ARHGAP42: variants seen among roughly 807,000 people sequenced by gnomAD.
ARHGAP42 encodes rho GTPase-activating protein 42.
A neutral mutation model predicts 125.0 loss-of-function variants in ARHGAP42; 63 were observed. The ratio of observed to expected loss-of-function variants is 0.50; its 90% confidence interval spans 0.41 to 0.62. The LOEUF is 0.62. Ranked by LOEUF, ARHGAP42 falls within the 20% of genes least tolerant of loss-of-function variation. The pLI, the probability that ARHGAP42 is intolerant of heterozygous loss-of-function variation, is 0.00. For synonymous variants in ARHGAP42, 339 were observed against 351.0 expected (o/e 0.97, Z 0.38); for missense variants, 766 against 1,024.2 (o/e 0.75, Z 3.44).
chr11:100,710,522 C>T (rs1440075183), intron 1 of ARHGAP42, among the ~76,000 whole-genome samples: 2 of 147,742 alleles, frequency 1.4e-5, no homozygotes, highest in African/African-American at 5.0e-5. Flanking sequence ...GCATGAGCCA[C>T]TGCGCCCGGC....
chr11:100,804,539 AT>A (rs1195130837), intron 3 of ARHGAP42, among the ~76,000 whole-genome samples: 1 of 150,750 alleles, frequency 6.6e-6, no homozygotes, highest in Admixed American at 6.6e-5. Context: ...ATATTTTTTA[AT>A]TTTTAAATTT....
intron 17 of ARHGAP42, among the ~76,000 whole-genome samples, chr11:100,968,753 A>G (rs1319808044): frequency 1.3e-5 from 2 of 152,116 alleles, no homozygotes; most frequent in African/African-American, 4.8e-5. Context: ...GCTTTGCTTT[A>G]TGCTTTTCAT....
At chr11:100,710,733 G>T (rs1411149676) in intron 1 of ARHGAP42, among the ~76,000 whole-genome samples, 1 of 151,804 alleles carries the variant, frequency 6.6e-6, no homozygotes, top group Non-Finnish European at 1.5e-5. Flanking sequence ...TAAAGACAGG[G>T]TTTCACCATG....
At chr11:100,773,537 C>T (rs73007637) in intron 2 of ARHGAP42, among the ~76,000 whole-genome samples, 4,550 of 152,246 alleles carry the variant, frequency 0.03, 91 homozygotes, top group Non-Finnish European at 0.043. Context: ...AAACATCTTT[C>T]TGTATGTTTC....
At position 100,770,450 on chromosome 11, in the gene ARHGAP42, T is replaced by A; in HGVS notation, c.250+12T>A. The A allele has an allele frequency of 6.6e-7, 1 of 1,512,826 alleles. No individual in the cohort carries two copies. The allele number at this position is 1,512,826 out of a possible 1,614,324, so 93.7% of individuals were successfully genotyped here. A position where few individuals can be genotyped will look rare whatever the true frequency, so the allele number is the denominator to read the frequency against. ...TGAAATTAGTATTGGTAAGTACTAC[T>A]GTTTTAGAAAGTTCTATTACTAATA... On this transcript the variant is annotated intron_variant, in intron 2 of 23. Coordinates refer to ENST00000298815, the MANE Select transcript of ARHGAP42 (RefSeq NM_152432.4).
intron 3 of ARHGAP42, among the ~76,000 whole-genome samples, chr11:100,830,174 C>T (rs1028279403): frequency 1.3e-5 from 2 of 152,172 alleles, no homozygotes; most frequent in Non-Finnish European, 2.9e-5. Context: ...TTCAATATTA[C>T]ACATGCGTGT....
chr11:100,847,532 A>G (rs922486343), intron 3 of ARHGAP42, among the ~76,000 whole-genome samples: 2 of 152,106 alleles, frequency 1.3e-5, no homozygotes, highest in Non-Finnish European at 2.9e-5. Context: ...GGGGAGTGAA[A>G]TACTGTCCAT....
chr11:100,751,773 CT>C (rs757372755), intron 1 of ARHGAP42, among the ~76,000 whole-genome samples: 2,226 of 84,324 alleles, frequency 0.026, 15 homozygotes, highest in African/African-American at 0.064. Flanking sequence ...AGACAGGCAC[CT>C]TTTTTTTTTT....
chr11:100,695,386 C>T (rs11824603), intron 1 of ARHGAP42, among the ~76,000 whole-genome samples: 12,265 of 152,188 alleles, frequency 0.081, 869 homozygotes, highest in East Asian at 0.22. Flanking sequence ...TCACCGCAAC[C>T]TCCACCTCCC....
At chr11:100,746,686 G>A (rs960004224) in intron 1 of ARHGAP42, among the ~76,000 whole-genome samples, 3 of 152,208 alleles carry the variant, frequency 2.0e-5, no homozygotes, top group African/African-American at 7.2e-5. Flanking sequence ...GTAGGAGGTG[G>A]AGGAGGCAGA....
intron 4 of ARHGAP42, among the ~76,000 whole-genome samples, chr11:100,906,344 A>C (rs543051916): frequency 1.3e-5 from 2 of 152,338 alleles, no homozygotes; most frequent in South Asian, 4.1e-4. Flanking sequence ...GTTTGAATGA[A>C]TTAGTCCTCA....
Position 100,859,615 on chromosome 11 carries a change from G to T in ARHGAP42, c.374G>T (p.Gly125Val). The change falls in exon 4 of 24, where the codon GGT (glycine) becomes GTT (valine). Residue 125 changes from glycine (G) to valine (V), a missense_variant. Gly to Val is a moderately radical substitution (Grantham distance 109, BLOSUM62 -3). This residue lies in a region of ARHGAP42 where 455 missense variants were observed against 636.5 expected (regional missense o/e 0.71). Coordinates refer to ENST00000298815, the MANE Select transcript of ARHGAP42 (RefSeq NM_152432.4). ...GAGAAATTTCGAAAAGAACAGATAG[G>T]TGCAGCAAAAGTAAGTGTTACATTT... ...PLEKFRKEQIGAAKDGKKKFD... is the reference protein window; with the variant it reads ...PLEKFRKEQIVAAKDGKKKFD... The T allele has an allele frequency of 6.7e-7, 1 of 1,498,860 alleles. No individual in the cohort carries two copies. Among genetic ancestry groups the T allele is most frequent in the Non-Finnish European group, 8.9e-7 (1 of 1,124,222 alleles). The allele number at this position is 1,498,860 out of a possible 1,614,324, so 92.8% of individuals were successfully genotyped here.
intron 3 of ARHGAP42, chr11:100,816,762 A>C (rs2135068654): frequency 6.6e-6 from 1 of 152,312 alleles, no homozygotes; most frequent in South Asian, 2.1e-4. Flanking sequence ...AGCAGGCGAT[A>C]AAAATGAGAA....
At chr11:100,771,692 A>C (rs1256830713) in intron 2 of ARHGAP42, among the ~76,000 whole-genome samples, 1 of 151,100 alleles carries the variant, frequency 6.6e-6, no homozygotes, top group Non-Finnish European at 1.5e-5. Context: ...TCCGCTTCCC[A>C]TGTTCAAGCA....
chr11:100,984,718 T>G (rs1257086028), intron 22 of ARHGAP42, among the ~76,000 whole-genome samples: 1 of 151,972 alleles, frequency 6.6e-6, no homozygotes, highest in Admixed American at 6.6e-5. Flanking sequence ...CTTTCAGAAC[T>G]GTGCCATTAC....
chr11:100,850,231 A>G (rs1565241203), intron 3 of ARHGAP42, among the ~76,000 whole-genome samples: 1 of 152,192 alleles, frequency 6.6e-6, no homozygotes, highest in Non-Finnish European at 1.5e-5. Context: ...ACTACTTTTG[A>G]AGATATAGAA....
At chr11:100,701,619 A>G (rs1861398846) in intron 1 of ARHGAP42, among the ~76,000 whole-genome samples, 1 of 152,126 alleles carries the variant, frequency 6.6e-6, no homozygotes, top group African/African-American at 2.4e-5. Flanking sequence ...ACCTCCGCTC[A>G]CTTCAAACTT....
In ARHGAP42 at chr11:100,992,036, C is replaced by T. The variant is rs1185319461; in HGVS notation, c.*3235C>T. Reference sequence around the variant, plus strand: ...AGATTTCTCACTATCATCCAGTGTACCCTGCTCACCTTCTCACTCCTAGCA... The same window carrying T: ...AGATTTCTCACTATCATCCAGTGTATCCTGCTCACCTTCTCACTCCTAGCA... On this transcript the variant is annotated 3_prime_UTR_variant, in exon 24 of 24. Transcript: ENST00000298815. 3 of 394,118 alleles carry T rather than the reference C, an allele frequency of 7.6e-6. No homozygotes were observed. Among genetic ancestry groups the T allele is most frequent in the Non-Finnish European group, 1.3e-5 (3 of 222,482 alleles). The allele number at this position is 394,118 out of a possible 1,614,324, so 24.4% of individuals were successfully genotyped here.
intron 1 of ARHGAP42, among the ~76,000 whole-genome samples, chr11:100,759,505 G>A (rs1862654663): frequency 6.6e-6 from 1 of 152,104 alleles, no homozygotes; most frequent in Admixed American, 6.5e-5. Flanking sequence ...AAGGCTGGAG[G>A]GGTTCTCTGC....
Sources: allele counts gnomAD v4.1 joint callset (sites outside exome capture counted in the v4.1 genomes callset), GRCh38; gene constraint gnomAD v4.1.1; regional missense constraint gnomAD v4.1.1; transcripts MANE v1.5; gene names NCBI Gene and HGNC (gene_info 2026-07-23, HGNC 2026-07-21).